The following GAS7 variants were observed in gnomAD, a reference collection of about 807,000 sequenced individuals.
GAS7 encodes the protein growth arrest-specific protein 7.
In GAS7, 28 loss-of-function variants were observed where a neutral mutation model predicts 71.1. The observed-to-expected ratio is 0.39, with a 90% CI of 0.29 to 0.54. The LOEUF is 0.54. Ranked by LOEUF, GAS7 falls within the 20% of genes least tolerant of loss-of-function variation. The pLI is 0.62. For missense variants in GAS7, 436 were observed against 627.8 expected (o/e 0.69, Z 3.27); for synonymous variants, 258 against 245.8 (o/e 1.05, Z -0.46).
At chr17:9,964,941 C>T (rs4791923) in intron 4 of GAS7, among the ~76,000 whole-genome samples, 44,285 of 152,016 alleles carry the variant, frequency 0.29, 7,207 homozygotes, top group African/African-American at 0.43. Flanking sequence ...ATGGGTCCCT[C>T]AAGTTTCCAA....
At chr17:10,192,163 G>A (rs1188525462) in intron 1 of GAS7, among the ~76,000 whole-genome samples, 8 of 152,280 alleles carry the variant, frequency 5.3e-5, no homozygotes, top group Non-Finnish European at 1.2e-4. Context: ...GTCAGCCAAG[G>A]AAAAGCCAGA....
chr17:10,147,609 G>A (rs2074131583), intron 1 of GAS7, among the ~76,000 whole-genome samples: 2 of 152,084 alleles, frequency 1.3e-5, no homozygotes, highest in Non-Finnish European at 2.9e-5. Flanking sequence ...CAGCCAAGGG[G>A]GCTAAGAAAC....
chr17:10,130,168 C>CA (rs531238905), intron 1 of GAS7, among the ~76,000 whole-genome samples: 1,818 of 82,682 alleles, frequency 0.022, 34 homozygotes, highest in African/African-American at 0.056. Flanking sequence ...GACTCAGCCT[C>CA]AAAAAAAAAA....
intron 1 of GAS7, among the ~76,000 whole-genome samples, chr17:10,090,649 C>CA (rs2073572827): frequency 6.6e-6 from 1 of 152,142 alleles, no homozygotes; most frequent in Admixed American, 6.5e-5. Context: ...TGTGGTGTTG[C>CA]AAAAAAACAC....
chr17:10,036,706 A>G, intron 1 of GAS7: 1 of 1,297,422 alleles, frequency 7.7e-7, no homozygotes, highest in Non-Finnish European at 9.8e-7. Flanking sequence ...GCTTGCTGGG[A>G]AATTAACAAC....
chr17:10,149,670 C>A (rs950607736), intron 1 of GAS7, among the ~76,000 whole-genome samples: 9 of 152,098 alleles, frequency 5.9e-5, no homozygotes, highest in African/African-American at 2.2e-4. Flanking sequence ...GCATTATTCA[C>A]AATAGCTAGA....
chr17:10,085,685 C>G (rs2073509942), intron 1 of GAS7, among the ~76,000 whole-genome samples: 1 of 112,174 alleles, frequency 8.9e-6, no homozygotes, highest in African/African-American at 3.5e-5. Flanking sequence ...GAGCGAGATT[C>G]CGTCTCAAAA....
At chr17:10,167,648 C>A (rs898766784) in intron 1 of GAS7, among the ~76,000 whole-genome samples, 1 of 151,994 alleles carries the variant, frequency 6.6e-6, no homozygotes, top group African/African-American at 2.4e-5. Flanking sequence ...GCAAACATTG[C>A]GAAGGTCTTT....
At chr17:9,929,084 T>C (rs193133664) in intron 9 of GAS7, among the ~76,000 whole-genome samples, 71 of 152,278 alleles carry the variant, frequency 4.7e-4, no homozygotes, top group African/African-American at 1.7e-3. Flanking sequence ...CTTGAGAGCT[T>C]ACGAGAATAA....
At position 10,145,647 on chromosome 17, in the gene GAS7, G is replaced by A. The variant is rs371331091; in HGVS notation, c.183+52561C>T. On this transcript the variant is annotated intron_variant, in intron 1 of 13. Transcript: ENST00000432992. Reference sequence around the variant, plus strand: ...GGGTTCAGGGGGCATTGGCAGTTCCGCTGTTTCTGCCAGGGATACAACCAC... The same window carrying A: ...GGGTTCAGGGGGCATTGGCAGTTCCACTGTTTCTGCCAGGGATACAACCAC... Among the ~76,000 whole-genome samples, 11 of 152,312 alleles carry A rather than the reference G, an allele frequency of 7.2e-5. No individual in the cohort carries two copies. In the East Asian group the frequency reaches 1.7e-3, roughly 24 times the overall value.
intron 4 of GAS7, among the ~76,000 whole-genome samples, chr17:9,963,078 T>A (rs565377981): frequency 6.7e-6 from 1 of 148,258 alleles, no homozygotes; most frequent in African/African-American, 2.5e-5. Context: ...AGGGATTGAG[T>A]GTAGAGGCAA....
At chr17:10,140,853 A>G (rs1489910238) in intron 1 of GAS7, among the ~76,000 whole-genome samples, 1 of 152,244 alleles carries the variant, frequency 6.6e-6, no homozygotes, top group Non-Finnish European at 1.5e-5. Context: ...TAAAACAAAA[A>G]GAGTCACTTG....
At chr17:10,133,122 A>AT (rs199964206) in intron 1 of GAS7, among the ~76,000 whole-genome samples, 29 of 118,902 alleles carry the variant, frequency 2.4e-4, no homozygotes, top group South Asian at 2.9e-4. Context: ...ATATTTTTAT[A>AT]TTTTTTTTTT....
intron 2 of GAS7, among the ~76,000 whole-genome samples, chr17:10,010,308 G>C (rs985753028): frequency 6.6e-6 from 1 of 151,914 alleles, no homozygotes; most frequent in African/African-American, 2.4e-5. Flanking sequence ...CCGCCACCAC[G>C]CCGGGCTAAA....
At chr17:10,164,182 T>A (rs146077686) in intron 1 of GAS7, among the ~76,000 whole-genome samples, 9 of 151,780 alleles carry the variant, frequency 5.9e-5, no homozygotes, top group African/African-American at 1.9e-4. Context: ...GTGGCTCACG[T>A]CTATAATCCC....
chr17:10,014,075 G>C (rs1463861921), intron 2 of GAS7, among the ~76,000 whole-genome samples: 1 of 152,168 alleles, frequency 6.6e-6, no homozygotes. Context: ...CCAAATGCCA[G>C]CCATCTCTCC....
In GAS7 at chr17:9,926,066, CTG is replaced by C. The variant is rs2067989159; in HGVS notation, c.1015-469_1015-468del. On this transcript the variant is annotated intron_variant, in intron 10 of 13. Transcript: ENST00000432992. This position sits in a 1 kb window ranked among gnomAD's most constrained non-coding sequence, Gnocchi z 5.0. The stretch of plus-strand genomic sequence containing the variant: ...TTCCTCCAGGCCACCACTGGCATCT[CTG>C]TGGTCCTTGGGTGGCGGCAGTTGGC... Among the ~76,000 whole-genome samples the C allele has an allele frequency of 6.6e-6, 1 of 152,130 alleles. No individual in the cohort carries two copies. The highest frequency in any genetic ancestry group is 2.1e-4 in the South Asian group (1 of 4,812).
At chr17:10,163,686 G>C (rs2074272562) in intron 1 of GAS7, among the ~76,000 whole-genome samples, 1 of 152,066 alleles carries the variant, frequency 6.6e-6, no homozygotes, top group South Asian at 2.1e-4. Context: ...CAAGCTCTTG[G>C]TTCCAATCCA....
intron 2 of GAS7, among the ~76,000 whole-genome samples, chr17:10,011,219 C>T (rs1174948188): frequency 6.6e-6 from 1 of 152,198 alleles, no homozygotes; most frequent in African/African-American, 2.4e-5. Flanking sequence ...CAGCCACCTT[C>T]TGTTTTGCTT....
Sources: allele counts gnomAD v4.1 joint callset (sites outside exome capture counted in the v4.1 genomes callset), GRCh38; gene constraint gnomAD v4.1.1; non-coding constraint Gnocchi (gnomAD v3.1); transcripts MANE v1.5; gene names NCBI Gene and HGNC (gene_info 2026-07-23, HGNC 2026-07-21).